BICRAL: variants seen among roughly 807,000 people sequenced by gnomAD.
The protein encoded by BICRAL is BRD4-interacting chromatin-remodeling complex-associated protein-like.
Under a neutral mutation model 91.8 loss-of-function variants are expected in BICRAL, and 8 were observed. The observed-to-expected ratio is 0.09, with a 90% CI of 0.05 to 0.16. The LOEUF is 0.16. Among genes scored for constraint, BICRAL ranks in the 10% least tolerant of loss-of-function variants. BICRAL has a pLI of 1.00. For synonymous variants in BICRAL, 445 were observed against 491.1 expected (o/e 0.91, Z 1.24); for missense variants, 1,038 against 1,310.9 (o/e 0.79, Z 3.21).
chr6:42,851,888 A>G (rs931532869), intron 6 of BICRAL, among the ~76,000 whole-genome samples: 3 of 152,152 alleles, frequency 2.0e-5, no homozygotes, highest in African/African-American at 7.2e-5. Flanking sequence ...CATCAGGAAA[A>G]TTCAGTGTGC....
rs569389894 is a variant in BICRAL at position 42,792,055 on chromosome 6, A to G, written c.-102+9954A>G. Among the ~76,000 whole-genome samples the G allele has an allele frequency of 7.2e-5, 11 of 152,326 alleles. No individual in the cohort carries two copies. The East Asian group carries it at 1.3e-3, about 19-fold the overall frequency. ...TAAAAATATGATACAAAAGAAAAAA[A>G]TGGTGCACCTGTATAGGGCAGTTAC... On this transcript the variant is annotated intron_variant, in intron 1 of 12. Coordinates refer to ENST00000314073, the MANE Select transcript of BICRAL (RefSeq NM_001393499.1).
At chr6:42,773,532 T>C (rs1364190742) in intron 1 of BICRAL, among the ~76,000 whole-genome samples, 1 of 152,016 alleles carries the variant, frequency 6.6e-6, no homozygotes, top group Non-Finnish European at 1.5e-5. Flanking sequence ...TTTGTGTGTG[T>C]GAGACGGAGT....
intron 1 of BICRAL, among the ~76,000 whole-genome samples, chr6:42,770,230 G>C (rs1429523330): frequency 2.6e-5 from 4 of 151,536 alleles, no homozygotes; most frequent in Non-Finnish European, 5.9e-5. Context: ...TTAGTTTTTT[G>C]TTTTCTTTTG....
rs189308564 is a variant in BICRAL, at chr6:42,817,934, T to C, written c.-5-4084T>C. Among the ~76,000 whole-genome samples the C allele has an allele frequency of 2.3e-4, 31 of 135,348 alleles. No homozygotes were observed. The East Asian group carries it at 6.6e-3, about 29-fold the overall frequency. 88.8% of individuals were successfully genotyped at this position (135,348 alleles called of 152,430 possible). ...GATCTCTTGAGCCCAGAAATTCAAG[T>C]CCAGCCTGGGCAACATAGAGAGACC... is the stretch of plus-strand genomic sequence containing the variant. On this transcript the variant is annotated intron_variant, in intron 2 of 12. Coordinates refer to ENST00000314073, the MANE Select transcript of BICRAL (RefSeq NM_001393499.1).
chr6:42,747,887 A>G (rs1407490957), intron 1 of BICRAL, among the ~76,000 whole-genome samples: 1 of 137,460 alleles, frequency 7.3e-6, no homozygotes, highest in East Asian at 2.1e-4. Flanking sequence ...GCTCACCGCT[A>G]TCCGCCTCCC....
intron 6 of BICRAL, 77 bp from the exon 7 acceptor site, chr6:42,852,015 G>T: frequency 1.2e-6 from 1 of 866,446 alleles, no homozygotes; most frequent in Non-Finnish European, 1.9e-6. Context: ...GCATGAAGAG[G>T]CTTGGTTGGT....
intron 1 of BICRAL, among the ~76,000 whole-genome samples, chr6:42,756,885 GCTCTCTCTCTCTCTCT>G (rs1317096649): frequency 1.7e-4 from 24 of 141,666 alleles, no homozygotes; most frequent in Non-Finnish European, 3.1e-4. Context: ...TCGCGCGCGC[GCTCTCTCTCTCTCTCT>G]CTCTCTCTCT....
intron 8 of BICRAL, among the ~76,000 whole-genome samples, chr6:42,855,377 C>CA (rs1037821765): frequency 2.0e-5 from 3 of 152,068 alleles, no homozygotes; most frequent in Non-Finnish European, 4.4e-5. Flanking sequence ...TCCGTCTCTA[C>CA]AAAAAATACC....
chr6:42,850,532 A>AG (rs1255641805), intron 6 of BICRAL, among the ~76,000 whole-genome samples: 1 of 151,708 alleles, frequency 6.6e-6, no homozygotes, highest in African/African-American at 2.4e-5. Context: ...AAAAAAAAAA[A>AG]CAAGAAAAAA....
intron 2 of BICRAL, among the ~76,000 whole-genome samples, chr6:42,817,121 A>G (rs1199066972): frequency 6.6e-6 from 1 of 151,276 alleles, no homozygotes; most frequent in African/African-American, 2.4e-5. Context: ...TTTAGGTTCT[A>G]TACATTTACA....
At chr6:42,814,523 T>A (rs5003739) in intron 2 of BICRAL, among the ~76,000 whole-genome samples, 3,903 of 44,980 alleles carry the variant, frequency 0.087, 47 homozygotes, top group East Asian at 0.13. Flanking sequence ...ATATATATTT[T>A]TTTTTTTTTT....
intron 1 of BICRAL, among the ~76,000 whole-genome samples, chr6:42,788,166 T>TAG (rs563808206): frequency 1.9e-3 from 293 of 150,706 alleles, no homozygotes; most frequent in Middle Eastern, 6.9e-3. Context: ...GAATATTTAA[T>TAG]AGAGAAGGTG....
At chr6:42,858,121 T>C (rs1305417956) in intron 10 of BICRAL, among the ~76,000 whole-genome samples, 2 of 151,656 alleles carry the variant, frequency 1.3e-5, no homozygotes, top group South Asian at 2.1e-4. Context: ...AAACTGTTTC[T>C]AATAGTTTTA....
At chr6:42,835,081 T>A (rs1764600696) in intron 6 of BICRAL, among the ~76,000 whole-genome samples, 1 of 152,146 alleles carries the variant, frequency 6.6e-6, no homozygotes, top group South Asian at 2.1e-4. Flanking sequence ...CAAGTCTCTC[T>A]CTTTTCCATA....
At chr6:42,780,533 T>A (rs1762882245), upstream of BICRAL, among the ~76,000 whole-genome samples, 1 of 152,222 alleles carries the variant, frequency 6.6e-6, no homozygotes, top group Non-Finnish European at 1.5e-5. Flanking sequence ...AAATGAATTT[T>A]AAAATAATTT....
intron 1 of BICRAL, among the ~76,000 whole-genome samples, chr6:42,755,748 C>A (rs191841748): frequency 3.0e-4 from 46 of 151,400 alleles, no homozygotes; most frequent in African/African-American, 9.7e-4. Flanking sequence ...CAGCTCACTG[C>A]AACCTCCGCC....
At chr6:42,751,211 C>T (rs1264177665) in intron 1 of BICRAL, among the ~76,000 whole-genome samples, 2 of 151,416 alleles carry the variant, frequency 1.3e-5, no homozygotes. Context: ...TCAGCCAAGT[C>T]CCCCTCCAAC....
chr6:42,782,459 A>G (rs1762941933), intron 1 of BICRAL, among the ~76,000 whole-genome samples: 1 of 130,230 alleles, frequency 7.7e-6, no homozygotes, highest in African/African-American at 2.9e-5. Flanking sequence ...GGCCCCGGGA[A>G]GACCAAGTTC....
intron 1 of BICRAL, among the ~76,000 whole-genome samples, chr6:42,808,132 CTTTT>C (rs756290983): frequency 7.2e-6 from 1 of 139,184 alleles, no homozygotes; most frequent in Non-Finnish European, 1.6e-5. Flanking sequence ...ACTATAATAT[CTTTT>C]TTTTTTTTTT....
Sources: gnomAD v4.1 joint callset for allele counts (sites outside exome capture counted in the v4.1 genomes callset) on GRCh38, gnomAD v4.1.1 for gene constraint, MANE v1.5 for transcripts, NCBI Gene and HGNC (gene_info 2026-07-23, HGNC 2026-07-21) for gene names.